PCDHGA12: variants seen among roughly 807,000 people sequenced by gnomAD.
PCDHGA12 encodes the protein protocadherin gamma subfamily A, 12.
PCDHGA12 carries 43 observed loss-of-function variants against 61.1 expected under a neutral mutation model. The observed-to-expected ratio is 0.70, with a 90% CI of 0.55 to 0.91. The LOEUF is 0.91. Among genes scored for constraint, PCDHGA12 ranks in the 40% least tolerant of loss-of-function variants. PCDHGA12 has a pLI of 0.00. For missense variants in PCDHGA12, 1,236 were observed against 1,227.7 expected (o/e 1.01, Z -0.10); for synonymous variants, 520 against 542.9 (o/e 0.96, Z 0.59).
At chr5:141,439,207 C>A (rs1003519997) in intron 1 of PCDHGA12, among the ~76,000 whole-genome samples, 1 of 149,828 alleles carries the variant, frequency 6.7e-6, no homozygotes, top group Non-Finnish European at 1.5e-5. Context: ...AAAAAAAAAT[C>A]CATATGTGAA....
chr5:141,487,709 A>G lies in PCDHGA12; in HGVS notation c.2425-7098A>G. On this transcript the variant is annotated intron_variant, in intron 1 of 3. Coordinates refer to ENST00000252085, the MANE Select transcript of PCDHGA12 (RefSeq NM_003735.3). This position sits in a 1 kb window ranked among gnomAD's most constrained non-coding sequence, Gnocchi z 5.0. ...CCTAGAGAGTACTGGCCTCTCAGTA[A>G]GTGCCCATAGTGATGTCACCATTTT... is the stretch of plus-strand genomic sequence containing the variant. 6.3e-7 allele frequency: 1 copy of G among 1,586,184 alleles called. No individual in the cohort carries two copies. Among genetic ancestry groups the G allele is most frequent in the South Asian group, 1.1e-5 (1 of 87,958 alleles).
In PCDHGA12 at chr5:141,432,122, G is replaced by C; in HGVS notation, c.1363G>C (p.Ala455Pro). Residue 455 changes from alanine to proline, a missense_variant, in exon 1 of 4, where the codon GCC (alanine) becomes CCC (proline). Ala to Pro is a conservative substitution (Grantham distance 27, BLOSUM62 -1). Transcript: ENST00000252085. This position sits in a 1 kb window ranked among gnomAD's most constrained non-coding sequence, Gnocchi z 6.0. ...CGACAACCCGCCGGTCTTCCCTCAG[G>C]CCTCCTATTCCGCTTATATCCCAGA... Reference protein sequence around the residue: ...TNDNPPVFPQASYSAYIPENN... With the variant: ...TNDNPPVFPQPSYSAYIPENN... 6.2e-7 allele frequency: 1 copy of C among 1,614,052 alleles called. No homozygotes were observed. Among genetic ancestry groups the C allele is most frequent in the Non-Finnish European group, 8.5e-7 (1 of 1,180,022 alleles).
chr5:141,432,050 C>T lies in PCDHGA12; in HGVS notation c.1291C>T (p.Pro431Ser). ...TVTATDRGTP[P>S]LSTETHISLN... The stretch of plus-strand genomic sequence containing the variant: ...GACCGCCACTGACCGGGGAACCCCG[C>T]CCCTATCCACGGAAACTCATATCTC... The change falls in exon 1 of 4, where the codon CCC becomes TCC. Residue 431 changes from proline to serine, a missense_variant. Transcript: ENST00000252085. The surrounding 1 kb of genome is among the most constrained non-coding windows in gnomAD (Gnocchi z 6.0). The T allele has an allele frequency of 6.2e-7, 1 of 1,614,218 alleles. No individual in the cohort carries two copies. The highest frequency in any genetic ancestry group is 8.5e-7 in the Non-Finnish European group (1 of 1,180,044).
chr5:141,492,023 C>A, intron 1 of PCDHGA12: 1 of 564,804 alleles, frequency 1.8e-6, no homozygotes, highest in Non-Finnish European at 3.0e-6. Context: ...TCGGGGGTCC[C>A]GGGAGGAGGC....
chr5:141,432,128 T>C lies in PCDHGA12; in HGVS notation c.1369T>C (p.Tyr457His). 3 of 1,614,080 alleles carry C rather than the reference T, an allele frequency of 1.9e-6. No homozygotes were observed. Among genetic ancestry groups the C allele is most frequent in the Non-Finnish European group, 2.5e-6 (3 of 1,180,016 alleles). The change falls in exon 1 of 4, where the codon TAT becomes CAT. Residue 457 changes from tyrosine (Y) to histidine (H), a missense_variant. Coordinates refer to ENST00000252085, the MANE Select transcript of PCDHGA12 (RefSeq NM_003735.3). This position sits in a 1 kb window ranked among gnomAD's most constrained non-coding sequence, Gnocchi z 6.0. ...CCCGCCGGTCTTCCCTCAGGCCTCC[T>C]ATTCCGCTTATATCCCAGAGAACAA... is the stretch of plus-strand genomic sequence containing the variant. ...DNPPVFPQAS[Y>H]SAYIPENNPR...
At position 141,432,900 on chromosome 5, in the gene PCDHGA12, T is replaced by A. The variant is rs139221180; in HGVS notation, c.2141T>A (p.Leu714His). ...GCCTTCGTCATCTTGCTGCTGGCGCTCAGGCTGCGGCGCTGGCACAAGTCA... is the reference window on the plus strand; with the variant it reads ...GCCTTCGTCATCTTGCTGCTGGCGCACAGGCTGCGGCGCTGGCACAAGTCA... The part of the protein sequence containing the change: ...FLAFVILLLA[L>H]RLRRWHKSRL... Residue 714 changes from leucine to histidine, a missense_variant, in exon 1 of 4, where the codon CTC (leucine) becomes CAC (histidine). Transcript: ENST00000252085. The surrounding 1 kb of genome is among the most constrained non-coding windows in gnomAD (Gnocchi z 6.0). The A allele has an allele frequency of 7.9e-5, 128 of 1,614,174 alleles. No homozygotes were observed. The highest frequency in any genetic ancestry group is 7.4e-4 in the East Asian group (33 of 44,868).
intron 2 of PCDHGA12, among the ~76,000 whole-genome samples, chr5:141,504,651 G>A (rs905210723): frequency 8.4e-6 from 1 of 119,750 alleles, no homozygotes; most frequent in Non-Finnish European, 1.6e-5. Flanking sequence ...ATGATAGAGT[G>A]TTTGAGGGCG....
intron 1 of PCDHGA12, among the ~76,000 whole-genome samples, chr5:141,473,948 A>ACC (rs2099333859): frequency 1.3e-5 from 2 of 152,182 alleles, no homozygotes; most frequent in Non-Finnish European, 2.9e-5. Context: ...TCAGGCCTGT[A>ACC]GTCCCATCTA....
intron 1 of PCDHGA12, among the ~76,000 whole-genome samples, chr5:141,435,770 C>G (rs1445835726): frequency 6.6e-6 from 1 of 152,070 alleles, no homozygotes; most frequent in Non-Finnish European, 1.5e-5. Context: ...TTGGTGAATT[C>G]TGTAAAGGTG....
chr5:141,504,161 T>C (rs931754061), intron 2 of PCDHGA12, among the ~76,000 whole-genome samples: 1 of 152,196 alleles, frequency 6.6e-6, no homozygotes, highest in Non-Finnish European at 1.5e-5. Context: ...AATAATTTCA[T>C]CCTTGGAAAT....
At chr5:141,437,826 CT>C (rs1263000808) in intron 1 of PCDHGA12, among the ~76,000 whole-genome samples, 5 of 151,936 alleles carry the variant, frequency 3.3e-5, no homozygotes, top group African/African-American at 1.2e-4. Flanking sequence ...CAACCTCTGC[CT>C]CCTGGGTTCA....
intron 1 of PCDHGA12, among the ~76,000 whole-genome samples, chr5:141,459,759 G>A (rs1164466104): frequency 7.2e-5 from 11 of 152,206 alleles, no homozygotes; most frequent in Non-Finnish European, 2.9e-5. Context: ...TCTAGTGGGT[G>A]TGTGATACTA....
intron 1 of PCDHGA12, among the ~76,000 whole-genome samples, chr5:141,458,663 G>A (rs1045303205): frequency 2.6e-5 from 4 of 151,804 alleles, no homozygotes; most frequent in Admixed American, 6.6e-5. Context: ...TCCACCTCTC[G>A]GGTTCAAGCA....
At chr5:141,499,620 G>A (rs557854340) in intron 2 of PCDHGA12, among the ~76,000 whole-genome samples, 1 of 150,986 alleles carries the variant, frequency 6.6e-6, no homozygotes, top group Non-Finnish European at 1.5e-5. Context: ...TCCTGTCCTT[G>A]GATTCTTTTG....
intron 1 of PCDHGA12, among the ~76,000 whole-genome samples, chr5:141,457,898 A>T (rs1035775197): frequency 6.6e-6 from 1 of 151,874 alleles, no homozygotes; most frequent in Non-Finnish European, 1.5e-5. Context: ...GACTGTGTAG[A>T]CAAGGTGTGA....
chr5:141,462,668 T>C (rs778396861), intron 1 of PCDHGA12, among the ~76,000 whole-genome samples: 10 of 152,232 alleles, frequency 6.6e-5, no homozygotes, highest in Non-Finnish European at 1.5e-4. Flanking sequence ...CTTCATATTT[T>C]TCTTTAAATT....
rs2099605934 is a variant in PCDHGA12, at chr5:141,485,057, C to G, written c.2425-9750C>G. On this transcript the variant is annotated intron_variant, in intron 1 of 3. Transcript: ENST00000252085. The surrounding 1 kb of genome is among the most constrained non-coding windows in gnomAD (Gnocchi z 5.7). ...GTAACCCTTGCGGCGCCGGCCGAAC[C>G]GCGCCAGAGCTGGCGCGGGGAAAGG... The G allele has an allele frequency of 1.2e-6, 1 of 843,720 alleles. No homozygotes were observed. Among genetic ancestry groups the G allele is most frequent in the Non-Finnish European group, 1.9e-6 (1 of 524,586 alleles). 52.3% of individuals were successfully genotyped at this position (843,720 alleles called of 1,614,324 possible).
intron 1 of PCDHGA12, chr5:141,441,894 G>T: frequency 2.9e-6 from 1 of 347,862 alleles, no homozygotes; most frequent in Non-Finnish European, 5.6e-6. Context: ...CCAAGGTGGT[G>T]GCTGTAGACG....
At chr5:141,504,113 C>A (rs568207803) in intron 2 of PCDHGA12, among the ~76,000 whole-genome samples, 1 of 152,220 alleles carries the variant, frequency 6.6e-6, no homozygotes, top group Non-Finnish European at 1.5e-5. Flanking sequence ...TGTGTGTGTG[C>A]CAGGGCTGTT....
Sources: allele counts gnomAD v4.1 joint callset (sites outside exome capture counted in the v4.1 genomes callset), GRCh38; gene constraint gnomAD v4.1.1; non-coding constraint Gnocchi (gnomAD v3.1); transcripts MANE v1.5; gene names NCBI Gene and HGNC (gene_info 2026-07-23, HGNC 2026-07-21).